The following MCRS1 variants were observed in gnomAD, a reference collection of about 807,000 sequenced individuals.
The protein encoded by MCRS1 is 58 kDa microspherule protein.
In MCRS1, 22 loss-of-function variants were observed where a neutral mutation model predicts 62.9. The ratio of observed to expected loss-of-function variants is 0.35; its 90% CI spans 0.25 to 0.50. The LOEUF (loss-of-function observed/expected upper bound fraction) is 0.50, where lower values mean the gene tolerates loss of function less well. Ranked by LOEUF, MCRS1 falls within the 20% of genes least tolerant of loss-of-function variation. MCRS1 has a pLI of 0.98. For synonymous variants in MCRS1, 244 were observed against 233.5 expected (o/e 1.04, Z -0.41); for missense variants, 456 against 601.1 (o/e 0.76, Z 2.52).
chr12:49,559,069 G>A lies in MCRS1; in HGVS notation c.1175-99C>T, dbSNP rs559642353. ...CCAGGAGCTTCCATGGACCAGCTCT[G>A]CTTCCTGCAGACACCAAGGAATCCC... is the stretch of plus-strand genomic sequence containing the variant. On this transcript the variant is annotated intron_variant, in intron 13 of 14. Transcript: ENST00000343810. This position sits in a 1 kb window ranked among gnomAD's most constrained non-coding sequence, Gnocchi z 5.2. 6.4e-7 allele frequency: 1 copy of A among 1,558,004 alleles called. No homozygotes were observed.
At chr12:49,566,525 G>A in intron 2 of MCRS1, 197 bp downstream of exon 2, 2 of 1,509,278 alleles carry the variant, frequency 1.3e-6, no homozygotes, top group Admixed American at 2.0e-5. Flanking sequence ...CCATCAAAAT[G>A]CAGCCGTGCT....
rs1939034522 is a variant in MCRS1, at chr12:49,565,965, A to T, written c.149+112T>A. 3 of 1,424,578 alleles carry T rather than the reference A, an allele frequency of 2.1e-6. No individual in the cohort carries two copies. In the African/African-American group the frequency reaches 4.3e-5, roughly 20 times the overall value. 88.2% of individuals were successfully genotyped at this position (1,424,578 alleles called of 1,614,324 possible). On this transcript the variant is annotated intron_variant, in intron 3 of 14. Transcript: ENST00000343810. Reference sequence around the variant, plus strand: ...AAAGCACAAGGCTCTGCCAATACTAAGGCCCCAGAGGGGCTCAGGCAGCCA... The same window carrying T: ...AAAGCACAAGGCTCTGCCAATACTATGGCCCCAGAGGGGCTCAGGCAGCCA...
At chr12:49,562,404 A>G (rs957222583) in intron 8 of MCRS1, among the ~76,000 whole-genome samples, 1 of 152,206 alleles carries the variant, frequency 6.6e-6, no homozygotes, top group Non-Finnish European at 1.5e-5. Context: ...GGCAAGAGGA[A>G]GTAGGGAGCA....
In MCRS1 at chr12:49,563,152, A is replaced by G; in HGVS notation, c.667-13T>C. 1.3e-6 allele frequency: 2 copies of G among 1,555,324 alleles called. No individual in the cohort carries two copies. Among genetic ancestry groups the G allele is most frequent in the Non-Finnish European group, 8.7e-7 (1 of 1,148,844 alleles). Reference sequence around the variant, plus strand: ...TGGGCTGGCTGGTCTAGAGGGCAAGAAACATTCTCTAGGCATCTGGGCTTT... The same window carrying G: ...TGGGCTGGCTGGTCTAGAGGGCAAGGAACATTCTCTAGGCATCTGGGCTTT... On this transcript the variant is annotated splice_polypyrimidine_tract_variant and intron_variant, in intron 7 of 14. Coordinates refer to ENST00000343810, the MANE Select transcript of MCRS1 (RefSeq NM_006337.5).
chr12:49,559,571 G>A lies in MCRS1; in HGVS notation c.1004-36C>T, dbSNP rs1938645001. ...AGGGAGTTTGGAAGAGCCTACCCCT[G>A]AGGGCCAGAATGCAAGGCAGGGAAC... On this transcript the variant is annotated intron_variant, in intron 11 of 14. Coordinates refer to ENST00000343810, the MANE Select transcript of MCRS1 (RefSeq NM_006337.5). The surrounding 1 kb of genome is among the most constrained non-coding windows in gnomAD (Gnocchi z 5.2). 2.5e-6 allele frequency: 4 copies of A among 1,605,374 alleles called. No homozygotes were observed. The highest frequency in any genetic ancestry group is 2.5e-6 in the Non-Finnish European group (3 of 1,178,184).
At chr12:49,560,774 G>A (rs1161346122) in intron 8 of MCRS1, among the ~76,000 whole-genome samples, 1 of 152,112 alleles carries the variant, frequency 6.6e-6, no homozygotes, top group African/African-American at 2.4e-5. Context: ...CTCTCCATTC[G>A]AAATCTCAAC....
Position 49,559,154 on chromosome 12 carries a change from C to G in MCRS1, c.1174+60G>C. The G allele has an allele frequency of 6.4e-7, 1 of 1,573,180 alleles. No homozygotes were observed. Among genetic ancestry groups the G allele is most frequent in the East Asian group, 2.2e-5 (1 of 44,610 alleles). ...CCAAGCCCAGGGCTAGAAAGGACAG[C>G]GAGAGGCTGGGAGGGACGACCTCAC... On this transcript the variant is annotated intron_variant, in intron 13 of 14. Transcript: ENST00000343810. The surrounding 1 kb of genome is among the most constrained non-coding windows in gnomAD (Gnocchi z 5.2).
chr12:49,566,562 A>G (rs947971378), intron 2 of MCRS1, 160 bp downstream of exon 2: 4 of 1,477,662 alleles, frequency 2.7e-6, no homozygotes, highest in Admixed American at 3.9e-5. Context: ...ACAGCAAGTC[A>G]GTCAACTGTG....
At chr12:49,567,716 A>G (rs1272092489) in intron 1 of MCRS1, 1 of 152,244 alleles carries the variant, frequency 6.6e-6, no homozygotes, top group Non-Finnish European at 1.5e-5. Context: ...GTCTGTCTCA[A>G]GAACTCGGGG....
chr12:49,561,941 G>A (rs574458978), intron 8 of MCRS1, among the ~76,000 whole-genome samples: 1 of 152,332 alleles, frequency 6.6e-6, no homozygotes, highest in Admixed American at 6.5e-5. Context: ...AGTGACAAAG[G>A]AACTAGCTTT....
intron 4 of MCRS1, chr12:49,565,141 C>A: frequency 1.0e-6 from 1 of 985,438 alleles, no homozygotes; most frequent in South Asian, 4.7e-5. Context: ...GTATCCCCGA[C>A]CCCAGAGTGA....
Position 49,559,430 on chromosome 12 carries a change from G to C in MCRS1, c.1086+23C>G, listed in dbSNP as rs919869145. On this transcript the variant is annotated intron_variant, in intron 12 of 14. Coordinates refer to ENST00000343810, the MANE Select transcript of MCRS1 (RefSeq NM_006337.5). This position sits in a 1 kb window ranked among gnomAD's most constrained non-coding sequence, Gnocchi z 5.2. ...ACTGACAGAGGAAGCAGCCTAAGAA[G>C]GGCGGGGATGGGCCTGCCTCACCTC... The C allele has an allele frequency of 1.2e-6, 2 of 1,613,706 alleles. No homozygotes were observed. The highest frequency in any genetic ancestry group is 8.5e-7 in the Non-Finnish European group (1 of 1,179,888).
chr12:49,565,514 C>T lies in MCRS1; in HGVS notation c.288+15G>A. ...TGGCACTACCTCCCATCCCCTAAGT[C>T]TCCCAATTCCTCACCTTCTTCTTCT... On this transcript the variant is annotated intron_variant, in intron 4 of 14. Coordinates refer to ENST00000343810, the MANE Select transcript of MCRS1 (RefSeq NM_006337.5). 6.4e-7 allele frequency: 1 copy of T among 1,567,130 alleles called. No homozygotes were observed. The highest frequency in any genetic ancestry group is 8.6e-7 in the Non-Finnish European group (1 of 1,158,110).
At chr12:49,564,612 T>TGCTCCAG in intron 5 of MCRS1, 22 bp from the exon 6 acceptor site, 1 of 1,609,170 alleles carries the variant, frequency 6.2e-7, no homozygotes, top group African/African-American at 1.3e-5. Flanking sequence ...CAGAAGGATT[T>TGCTCCAG]GCTCCAGCCT....
At position 49,567,115 on chromosome 12, in the gene MCRS1, G is replaced by T. The variant is rs558550829; in HGVS notation, c.-110-274C>A. Among the ~76,000 whole-genome samples, 6 of 152,228 alleles carry T rather than the reference G, an allele frequency of 3.9e-5. No individual in the cohort carries two copies. In the East Asian group the frequency reaches 7.7e-4, roughly 20 times the overall value. ...GTTCATAGACCCTTTAATTCTACTG[G>T]TATCTCCTAGGTTAAGCGCCTTGAC... On this transcript the variant is annotated intron_variant, in intron 1 of 14. Coordinates refer to ENST00000343810, the MANE Select transcript of MCRS1 (RefSeq NM_006337.5).
Position 49,558,742 on chromosome 12 carries a change from CAA to C in MCRS1, c.1303-15_1303-14del. 2 of 1,613,802 alleles carry C rather than the reference CAA, an allele frequency of 1.2e-6. No individual in the cohort carries two copies. Among genetic ancestry groups the C allele is most frequent in the Non-Finnish European group, 1.7e-6 (2 of 1,180,022 alleles). On this transcript the variant is annotated splice_polypyrimidine_tract_variant and intron_variant, in intron 14 of 14. Coordinates refer to ENST00000343810, the MANE Select transcript of MCRS1 (RefSeq NM_006337.5). ...GCAGGCTGGCGATCTGGGTGGGAGA[CAA>C]AGGTGGCTTAAGACAGAGGTGGCAC...
chr12:49,565,110 G>A (rs1011970216), intron 4 of MCRS1: 22 of 985,362 alleles, frequency 2.2e-5, no homozygotes, highest in South Asian at 4.7e-5. Flanking sequence ...TTGACCATAC[G>A]GGGTCTTCTC....
rs1939004834 is a variant in MCRS1 at position 49,565,414 on chromosome 12, G to A, written c.288+115C>T. The A allele has an allele frequency of 1.4e-5, 21 of 1,511,932 alleles. No individual in the cohort carries two copies. The South Asian group carries it at 2.8e-4, about 20-fold the overall frequency. 93.7% of individuals were successfully genotyped at this position (1,511,932 alleles called of 1,614,324 possible). A position where few individuals can be genotyped will look rare whatever the true frequency, so the allele number is the denominator to read the frequency against. ...GGGGGCATCTGAGATGAGGGCTGGG[G>A]CAGCTTGGTCCTCTCACCAGCCTGC... On this transcript the variant is annotated intron_variant, in intron 4 of 14. Coordinates refer to ENST00000343810, the MANE Select transcript of MCRS1 (RefSeq NM_006337.5).
chr12:49,565,981 C>T, intron 3 of MCRS1, 96 bp downstream of exon 3: 1 of 1,503,176 alleles, frequency 6.7e-7, no homozygotes, highest in Non-Finnish European at 9.0e-7. Context: ...CAGAGGGGCT[C>T]AGGCAGCCAT....
Sources: allele counts gnomAD v4.1 joint callset (sites outside exome capture counted in the v4.1 genomes callset), GRCh38; gene constraint gnomAD v4.1.1; non-coding constraint Gnocchi (gnomAD v3.1); transcripts MANE v1.5; gene names NCBI Gene and HGNC (gene_info 2026-07-23, HGNC 2026-07-21).